The following PPP1CC variants were observed in gnomAD, a reference collection of about 807,000 sequenced individuals.
PPP1CC encodes protein phosphatase 1 catalytic subunit gamma.
PPP1CC carries 16 observed loss-of-function variants against 38.4 expected under a neutral mutation model. The observed-to-expected ratio is 0.42, with a 90% CI of 0.28 to 0.63. The LOEUF (loss-of-function observed/expected upper bound fraction) is 0.63. Among genes scored for constraint, PPP1CC ranks in the 30% least tolerant of loss-of-function variants. The pLI is 0.25. For synonymous variants in PPP1CC, 158 were observed against 136.0 expected (o/e 1.16, Z -1.13); for missense variants, 170 against 391.3 (o/e 0.43, Z 4.77).
chr12:110,721,203 T>C, intron 6 of PPP1CC, 38 bp from the exon 7 acceptor site: 1 of 1,551,810 alleles, frequency 6.4e-7, no homozygotes, highest in South Asian at 1.1e-5. Flanking sequence ...GGAAATATAC[T>C]CAACCCCAAA....
chr12:110,721,313 A>G, intron 6 of PPP1CC, 148 bp from the exon 7 acceptor site: 1 of 590,838 alleles, frequency 1.7e-6, no homozygotes, highest in South Asian at 2.1e-5. Context: ...AACACAAGCT[A>G]TGTTGAATGT....
At chr12:110,708,969 G>A in the PPP1CC span, among the ~76,000 whole-genome samples, 1 of 152,120 alleles carries the variant, frequency 6.6e-6, no homozygotes, top group African/African-American at 2.4e-5. Context: ...CTTCTCTGGA[G>A]GAGCTCAACT....
intron 1 of PPP1CC, among the ~76,000 whole-genome samples, chr12:110,737,497 A>AAAAAAAAAAAAAAAAAAG (rs2069959460): frequency 6.8e-6 from 1 of 147,620 alleles, no homozygotes; most frequent in African/African-American, 2.6e-5. Context: ...AAAAAAAAAA[A>AAAAAAAAAAAAAAAAAAG]AAAAGAAAAG....
At position 110,722,838 on chromosome 12, in the gene PPP1CC, T is replaced by C; in HGVS notation, c.524-143A>G. The C allele has an allele frequency of 1.4e-6, 1 of 712,958 alleles. No homozygotes were observed. The highest frequency in any genetic ancestry group is 2.2e-6 in the Non-Finnish European group (1 of 446,926). 44.2% of individuals were successfully genotyped at this position (712,958 alleles called of 1,614,324 possible). On this transcript the variant is annotated intron_variant, in intron 4 of 6. Transcript: ENST00000335007. This position sits in a 1 kb window ranked among gnomAD's most constrained non-coding sequence, Gnocchi z 5.4. Reference sequence around the variant, plus strand: ...TCTATGATTATATTTTATTTACTTTTGGTTAAAAGAAAAAAACACAGAAAA... The same window carrying C: ...TCTATGATTATATTTTATTTACTTTCGGTTAAAAGAAAAAAACACAGAAAA...
Position 110,742,857 on chromosome 12 carries a change from CT to C in PPP1CC, c.-151del. 1 of 474,064 alleles carries C rather than the reference CT, an allele frequency of 2.1e-6. No individual in the cohort carries two copies. Among genetic ancestry groups the C allele is most frequent in the East Asian group, 3.5e-5 (1 of 28,192 alleles). The allele number at this position is 474,064 out of a possible 1,614,324, so 29.4% of individuals were successfully genotyped here. On this transcript the variant is annotated 5_prime_UTR_variant, in exon 1 of 7. Transcript: ENST00000335007. Reference sequence around the variant, plus strand: ...CCCCCCCCTGCCACCCCGCTCCCTACTTCCTCCTTCTCTCCCCACTGGAACC... The same window carrying C: ...CCCCCCCCTGCCACCCCGCTCCCTACTCCTCCTTCTCTCCCCACTGGAACC...
At chr12:110,735,717 A>G (rs472007) in intron 1 of PPP1CC, among the ~76,000 whole-genome samples, 65,635 of 151,010 alleles carry the variant, frequency 0.43, 15,905 homozygotes, top group African/African-American at 0.66. Flanking sequence ...GGGAGGTGGA[A>G]GTTGCAGTGA....
At chr12:110,734,652 C>T (rs1293838995) in intron 1 of PPP1CC, 1 of 153,556 alleles carries the variant, frequency 6.5e-6, no homozygotes, top group Admixed American at 6.6e-5. Flanking sequence ...AGACTATATA[C>T]TTTTGATGAG....
downstream of PPP1CC, among the ~76,000 whole-genome samples, chr12:110,716,356 CT>C (rs11065705): frequency 0.011 from 1,567 of 144,930 alleles, 20 homozygotes; most frequent in African/African-American, 0.027. Flanking sequence ...TTAGTTTTAA[CT>C]TTTTTTTTTT....
At chr12:110,713,906 C>T in the PPP1CC span, among the ~76,000 whole-genome samples, 1 of 152,126 alleles carries the variant, frequency 6.6e-6, no homozygotes, top group Admixed American at 6.5e-5. Flanking sequence ...TGAGACCAGC[C>T]TGGCCAACAT....
chr12:110,721,112 A>C lies in PPP1CC; in HGVS notation c.936T>G (p.Pro312=). 6.2e-7 allele frequency: 1 copy of C among 1,613,948 alleles called. No homozygotes were observed. The highest frequency in any genetic ancestry group is 2.2e-5 in the East Asian group (1 of 44,878). Residue 312 remains proline (P), a synonymous_variant, in exon 7 of 7, where the codon CCT becomes CCG. Coordinates refer to ENST00000335007, the MANE Select transcript of PPP1CC (RefSeq NM_002710.4). The part of the protein sequence containing the change: ...KKPNATRPVT[P]PRGMITKQAK... Reference sequence around the variant, plus strand: ...CTTGCTTTGTGATCATACCCCTTGGAGGCGTTACAGGTCTCGTGGCATTTG... The same window carrying C: ...CTTGCTTTGTGATCATACCCCTTGGCGGCGTTACAGGTCTCGTGGCATTTG...
At chr12:110,742,238 G>A (rs1166020092) in intron 1 of PPP1CC, among the ~76,000 whole-genome samples, 1 of 151,206 alleles carries the variant, frequency 6.6e-6, no homozygotes, top group Non-Finnish European at 1.5e-5. Context: ...TGCCTTCCGA[G>A]AGGACGAGCA....
chr12:110,720,108 A>T lies in PPP1CC; in HGVS notation c.*968T>A. On this transcript the variant is annotated 3_prime_UTR_variant, in exon 7 of 7. Transcript: ENST00000335007. ...CCTCAACTTCACCGCAGAATAAAGA[A>T]TGTAGGCCAAAGAAAGCATAATCGG... 2 of 1,533,782 alleles carry T rather than the reference A, an allele frequency of 1.3e-6. No individual in the cohort carries two copies. The highest frequency in any genetic ancestry group is 2.0e-5 in the Admixed American group (1 of 51,278).
Position 110,725,041 on chromosome 12 carries a change from T to C in PPP1CC, c.419-277A>G, listed in dbSNP as rs921331620. 4.4e-5 allele frequency: 10 copies of C among 224,930 alleles called. No homozygotes were observed. In the East Asian group the frequency reaches 6.7e-4, roughly 15 times the overall value. The allele number at this position is 224,930 out of a possible 1,614,324, so 13.9% of individuals were successfully genotyped here. ...GAGTTCAAGACCATCTTGGGCAACATAGTGAGACCCCATCTCTTTAAAGAA... is the reference window on the plus strand; with the variant it reads ...GAGTTCAAGACCATCTTGGGCAACACAGTGAGACCCCATCTCTTTAAAGAA... On this transcript the variant is annotated intron_variant, in intron 3 of 6. Transcript: ENST00000335007.
At chr12:110,739,097 A>C (rs1301768862) in intron 1 of PPP1CC, among the ~76,000 whole-genome samples, 1 of 152,190 alleles carries the variant, frequency 6.6e-6, no homozygotes, top group Non-Finnish European at 1.5e-5. Flanking sequence ...AGGCGGGCAG[A>C]CCACTTGAGG....
chr12:110,731,370 GATT>G (rs1324177225), intron 2 of PPP1CC, among the ~76,000 whole-genome samples: 2 of 152,102 alleles, frequency 1.3e-5, no homozygotes, highest in Non-Finnish European at 2.9e-5. Flanking sequence ...TTAAAACACA[GATT>G]ATTTGCTTCT....
At chr12:110,739,672 T>C (rs1311549071) in intron 1 of PPP1CC, among the ~76,000 whole-genome samples, 1 of 152,204 alleles carries the variant, frequency 6.6e-6, no homozygotes, top group Non-Finnish European at 1.5e-5. Context: ...TGACATGGTC[T>C]TGCACTTTGA....
intron 3 of PPP1CC, chr12:110,725,378 T>C (rs187959776): frequency 8.5e-5 from 13 of 152,360 alleles, no homozygotes; most frequent in Admixed American, 7.8e-4. Context: ...CCCCCATATA[T>C]GCCCCTCAAT....
chr12:110,719,006 C>T (rs973126571), downstream of PPP1CC, among the ~76,000 whole-genome samples: 1 of 152,082 alleles, frequency 6.6e-6, no homozygotes, highest in Non-Finnish European at 1.5e-5. Flanking sequence ...CCTGATACCA[C>T]ACTCCAATAA....
intron 1 of PPP1CC, chr12:110,732,955 C>A (rs2069896136): frequency 6.6e-6 from 1 of 152,036 alleles, no homozygotes; most frequent in Non-Finnish European, 1.5e-5. Flanking sequence ...TTTTGGACCC[C>A]AAAATATGTA....
Sources: allele counts gnomAD v4.1 joint callset (sites outside exome capture counted in the v4.1 genomes callset), GRCh38; gene constraint gnomAD v4.1.1; non-coding constraint Gnocchi (gnomAD v3.1); transcripts MANE v1.5; gene names NCBI Gene and HGNC (gene_info 2026-07-23, HGNC 2026-07-21).